Variants in NRXN1 observed in about 807,000 individuals in gnomAD.
NRXN1 encodes neurexin 1, also known as neurexin-1.
In NRXN1, 39 loss-of-function variants were observed where a neutral mutation model predicts 150.9. That is an observed-to-expected ratio of 0.26 (90% CI 0.20 to 0.34). NRXN1 has a LOEUF of 0.34. Ranked by LOEUF, NRXN1 falls within the 10% of genes least tolerant of loss-of-function variation. The probability of loss-of-function intolerance (pLI) is 1.00; values close to 1 mark genes in which losing one functional copy is unlikely to be tolerated. For missense variants in NRXN1, 1,815 were observed against 1,949.9 expected (o/e 0.93, Z 1.30); for synonymous variants, 924 against 757.0 (o/e 1.22, Z -3.62).
intron 5 of NRXN1, among the ~76,000 whole-genome samples, chr2:50,822,461 C>T (rs756735686): frequency 6.6e-6 from 1 of 151,952 alleles, no homozygotes; most frequent in Non-Finnish European, 1.5e-5. Flanking sequence ...GCAGAAAATA[C>T]ACAAATATAT....
At chr2:50,203,690 G>A (rs1279529858) in intron 18 of NRXN1, among the ~76,000 whole-genome samples, 1 of 152,040 alleles carries the variant, frequency 6.6e-6, no homozygotes, top group Non-Finnish European at 1.5e-5. Context: ...TCAGCTTTGT[G>A]GGCAGAAGAA....
chr2:50,541,173 T>C (rs887702104), intron 9 of NRXN1, among the ~76,000 whole-genome samples: 7 of 152,202 alleles, frequency 4.6e-5, no homozygotes, highest in Admixed American at 4.6e-4. Context: ...CAAATATACA[T>C]ATATATAAAC....
intron 5 of NRXN1, among the ~76,000 whole-genome samples, chr2:50,636,957 T>C (rs1023626747): frequency 2.6e-5 from 4 of 152,152 alleles, no homozygotes; most frequent in African/African-American, 9.7e-5. Flanking sequence ...ATTATACATA[T>C]TTATCCAATA....
At chr2:50,250,004 T>A (rs1268354117) in intron 17 of NRXN1, among the ~76,000 whole-genome samples, 1 of 152,060 alleles carries the variant, frequency 6.6e-6, no homozygotes, top group African/African-American at 2.4e-5. Context: ...AAGTTAAAAA[T>A]AAATAAATAA....
At chr2:50,179,568 T>C (rs1362473504) in intron 18 of NRXN1, among the ~76,000 whole-genome samples, 2 of 152,142 alleles carry the variant, frequency 1.3e-5, no homozygotes, top group Admixed American at 1.3e-4. Flanking sequence ...TATGGTAACA[T>C]GCACAAAGGC....
chr2:51,026,464 T>TA, intron 2 of NRXN1: 1 of 1,596,370 alleles, frequency 6.3e-7, no homozygotes, highest in South Asian at 1.1e-5. Flanking sequence ...AGACCGAATT[T>TA]TATTTCTAAA....
chr2:51,026,814 CA>C (rs1479225500), intron 2 of NRXN1, among the ~76,000 whole-genome samples: 18 of 152,314 alleles, frequency 1.2e-4, no homozygotes, highest in African/African-American at 3.8e-4. Flanking sequence ...TTAAATTTCA[CA>C]AATGTTGGAC....
chr2:50,911,147 A>C (rs974638892), intron 5 of NRXN1, among the ~76,000 whole-genome samples: 11 of 151,960 alleles, frequency 7.2e-5, no homozygotes, highest in African/African-American at 2.2e-4. Context: ...ATCACATGCA[A>C]TATGTAACCA....
At position 50,538,505 on chromosome 2, in the gene NRXN1, C is replaced by T. The variant is rs1407756445; in HGVS notation, c.1891G>A (p.Val631Met). 6.2e-7 allele frequency: 1 copy of T among 1,608,128 alleles called. No individual in the cohort carries two copies. Among genetic ancestry groups the T allele is most frequent in the Non-Finnish European group, 8.5e-7 (1 of 1,175,610 alleles). ...NKAGLVFPTE[V>M]WTALLNYGYV... Reference sequence around the variant, plus strand: ...CCATAGTTGAGCAGAGCAGTCCACACCTCGGTGGGGAAGACAAGGCCAGCT... The same window carrying T: ...CCATAGTTGAGCAGAGCAGTCCACATCTCGGTGGGGAAGACAAGGCCAGCT... The change falls in exon 10 of 23, where the codon GTG becomes ATG. Residue 631 changes from valine (V) to methionine (M), a missense_variant. By Grantham distance (21) the Val-to-Met change is conservative (BLOSUM62 1). This residue lies in a region of NRXN1 where 638 missense variants were observed against 652.6 expected (regional missense o/e 0.98). Transcript: ENST00000401669.
chr2:50,889,118 C>T (rs753951570), intron 5 of NRXN1, among the ~76,000 whole-genome samples: 34 of 151,590 alleles, frequency 2.2e-4, no homozygotes, highest in Non-Finnish European at 4.9e-4. Context: ...AAAAAAGATT[C>T]GGTTTTGAAA....
chr2:50,945,330 G>T (rs992919232), intron 2 of NRXN1, among the ~76,000 whole-genome samples: 7 of 152,012 alleles, frequency 4.6e-5, no homozygotes, highest in African/African-American at 1.7e-4. Context: ...CTGGTGTGCT[G>T]GTGCACATCT....
intron 17 of NRXN1, among the ~76,000 whole-genome samples, chr2:50,461,377 T>A (rs1444272041): frequency 6.6e-6 from 1 of 152,002 alleles, no homozygotes; most frequent in Admixed American, 6.6e-5. Flanking sequence ...GAAGCTGAAC[T>A]GTAATTTGGC....
chr2:50,382,749 A>G (rs2103691663), intron 17 of NRXN1, among the ~76,000 whole-genome samples: 1 of 152,254 alleles, frequency 6.6e-6, no homozygotes, highest in Admixed American at 6.5e-5. Context: ...TCAAGTCAGG[A>G]CGAGAAGAGA....
chr2:50,285,842 G>A (rs2072084569), intron 17 of NRXN1, among the ~76,000 whole-genome samples: 1 of 149,294 alleles, frequency 6.7e-6, no homozygotes, highest in Non-Finnish European at 1.5e-5. Context: ...TCATTTGACA[G>A]TGTATAAAAG....
Position 51,028,107 on chromosome 2 carries a change from A to C in NRXN1, c.167T>G (p.Phe56Cys). The C allele has an allele frequency of 6.3e-7, 1 of 1,579,572 alleles. No homozygotes were observed. Among genetic ancestry groups the C allele is most frequent in the Non-Finnish European group, 8.6e-7 (1 of 1,165,506 alleles). ...WNACCESEMS[F>C]QLKTRSARGL... The stretch of plus-strand genomic sequence containing the variant: ...GCGGGCGCTGCGAGTCTTGAGCTGG[A>C]AGCTCATCTCGCTCTCGCAGCAGGC... Residue 56 changes from phenylalanine (F) to cysteine (C), a missense_variant, in exon 2 of 23, where the codon TTC becomes TGC. Phe to Cys is a radical substitution (Grantham distance 205). Transcript: ENST00000401669.
At chr2:50,310,149 T>C (rs987588881) in intron 17 of NRXN1, among the ~76,000 whole-genome samples, 2 of 152,186 alleles carry the variant, frequency 1.3e-5, no homozygotes, top group African/African-American at 4.8e-5. Context: ...TTGTTTGTGT[T>C]GGGATATACC....
intron 17 of NRXN1, among the ~76,000 whole-genome samples, chr2:50,332,185 G>C (rs1379342685): frequency 6.6e-6 from 1 of 152,134 alleles, no homozygotes; most frequent in African/African-American, 2.4e-5. Flanking sequence ...ATTTATTATA[G>C]CTTGAAAATC....
At chr2:50,069,435 T>C (rs1006216462) in intron 19 of NRXN1, among the ~76,000 whole-genome samples, 1 of 152,186 alleles carries the variant, frequency 6.6e-6, no homozygotes, top group Admixed American at 6.5e-5. Context: ...AACATGGTGA[T>C]TGTGGATTTT....
chr2:51,018,419 T>A (rs898810534), intron 2 of NRXN1, among the ~76,000 whole-genome samples: 4 of 152,046 alleles, frequency 2.6e-5, no homozygotes, highest in Non-Finnish European at 4.4e-5. Flanking sequence ...CACTTTGGCT[T>A]GCCAGGTCAG....
Sources: gnomAD v4.1 joint callset for allele counts (sites outside exome capture counted in the v4.1 genomes callset) on GRCh38, gnomAD v4.1.1 for gene constraint, gnomAD v4.1.1 regional missense constraint, MANE v1.5 for transcripts, NCBI Gene and HGNC (gene_info 2026-07-23, HGNC 2026-07-21) for gene names.